Variants in ERBB4 observed in about 807,000 individuals in gnomAD.
The protein encoded by ERBB4 is erb-b2 receptor tyrosine kinase 4.
In ERBB4, 42 loss-of-function variants were observed where a neutral mutation model predicts 158.0. That is an observed-to-expected ratio of 0.27 (90% confidence interval 0.21 to 0.34). The LOEUF is 0.34. Ranked by LOEUF, ERBB4 falls within the 10% of genes least tolerant of loss-of-function variation. The pLI is 1.00. For synonymous variants in ERBB4, 583 were observed against 558.7 expected, an observed-to-expected ratio of 1.04 and a Z score of -0.61; for missense variants, 1,333 against 1,624.1, an observed-to-expected ratio of 0.82 and a Z score of 3.08.
At chr2:212,235,247 G>T (rs534731064) in intron 1 of ERBB4, among the ~76,000 whole-genome samples, 1 of 152,224 alleles carries the variant, frequency 6.6e-6, no homozygotes, top group African/African-American at 2.4e-5. Context: ...TTTCCCCATT[G>T]CTTGCTTTTA....
chr2:211,553,865 T>C (rs908578595), intron 20 of ERBB4, among the ~76,000 whole-genome samples: 18 of 152,196 alleles, frequency 1.2e-4, no homozygotes, highest in Non-Finnish European at 2.4e-4. Flanking sequence ...CTATGACCCA[T>C]AGTAGCTCCC....
At chr2:212,326,066 T>C (rs918573513) in intron 1 of ERBB4, among the ~76,000 whole-genome samples, 3 of 150,508 alleles carry the variant, frequency 2.0e-5, no homozygotes, top group African/African-American at 7.3e-5. Context: ...CTGTATTTTA[T>C]CCACCATAGT....
At chr2:211,793,512 C>A (rs920222118) in intron 3 of ERBB4, among the ~76,000 whole-genome samples, 1 of 152,008 alleles carries the variant, frequency 6.6e-6, no homozygotes, top group East Asian at 1.9e-4. Flanking sequence ...GAATCAAAAT[C>A]CAAGGCAGCA....
At chr2:211,485,094 GAA>G (rs937092076) in intron 20 of ERBB4, among the ~76,000 whole-genome samples, 1 of 152,144 alleles carries the variant, frequency 6.6e-6, no homozygotes, top group Admixed American at 6.6e-5. Flanking sequence ...TACACAAAGA[GAA>G]AAAGATATAA....
intron 2 of ERBB4, among the ~76,000 whole-genome samples, chr2:211,978,401 TCTATCTATCTA>T (rs2081689543): frequency 1.4e-5 from 2 of 146,240 alleles, no homozygotes; most frequent in Admixed American, 1.4e-4. Flanking sequence ...TGTCTGTCTA[TCTATCTATCTA>T]TCTATCTATC....
chr2:211,999,337 C>T (rs1005762284), intron 2 of ERBB4, among the ~76,000 whole-genome samples: 2 of 151,704 alleles, frequency 1.3e-5, no homozygotes, highest in African/African-American at 4.8e-5. Flanking sequence ...CTCATATTTG[C>T]ATTTTTAGAA....
intron 20 of ERBB4, among the ~76,000 whole-genome samples, chr2:211,459,391 G>T (rs1392913612): frequency 6.6e-6 from 1 of 152,108 alleles, no homozygotes; most frequent in African/African-American, 2.4e-5. Flanking sequence ...CTCAGAAAAT[G>T]GATCAAAACC....
chr2:212,427,868 G>C (rs2091947931), intron 1 of ERBB4, among the ~76,000 whole-genome samples: 2 of 152,080 alleles, frequency 1.3e-5, no homozygotes, highest in African/African-American at 4.8e-5. Context: ...TGGGAACAAA[G>C]GCAAGACACA....
At chr2:211,502,774 C>T (rs1365765950) in intron 20 of ERBB4, among the ~76,000 whole-genome samples, 1 of 151,974 alleles carries the variant, frequency 6.6e-6, no homozygotes, top group Non-Finnish European at 1.5e-5. Flanking sequence ...TTTATAAATG[C>T]CTTGTGTAAA....
chr2:212,228,368 C>G (rs1182490105), intron 1 of ERBB4, among the ~76,000 whole-genome samples: 1 of 152,170 alleles, frequency 6.6e-6, no homozygotes, highest in East Asian at 1.9e-4. Context: ...CCTCAGAGAA[C>G]TCACCCTGTA....
chr2:212,376,947 G>C (rs2090343022), intron 1 of ERBB4, among the ~76,000 whole-genome samples: 1 of 151,804 alleles, frequency 6.6e-6, no homozygotes, highest in South Asian at 2.1e-4. Context: ...TTATTTCATT[G>C]TCTTTATTTC....
chr2:211,756,663 T>A (rs2075293479), intron 4 of ERBB4, among the ~76,000 whole-genome samples: 1 of 152,224 alleles, frequency 6.6e-6, no homozygotes, highest in Admixed American at 6.5e-5. Context: ...TGCAAGATGC[T>A]GATTTTATAG....
intron 1 of ERBB4, among the ~76,000 whole-genome samples, chr2:212,469,245 A>G (rs1327571238): frequency 1.3e-5 from 2 of 152,226 alleles, no homozygotes; most frequent in Non-Finnish European, 2.9e-5. Flanking sequence ...AACATAAAAT[A>G]ATCTTTTAAA....
chr2:211,880,201 T>C (rs1274137832), intron 3 of ERBB4, among the ~76,000 whole-genome samples: 1 of 152,154 alleles, frequency 6.6e-6, no homozygotes, highest in Non-Finnish European at 1.5e-5. Context: ...CAATTCTACC[T>C]ATCAAACATT....
intron 3 of ERBB4, among the ~76,000 whole-genome samples, chr2:211,843,176 G>A (rs919611223): frequency 2.6e-5 from 4 of 152,062 alleles, no homozygotes; most frequent in African/African-American, 9.7e-5. Flanking sequence ...TTGAATATAT[G>A]TTTTTAATGA....
At chr2:212,081,643 T>C (rs973451734) in intron 2 of ERBB4, among the ~76,000 whole-genome samples, 4 of 152,164 alleles carry the variant, frequency 2.6e-5, no homozygotes, top group Non-Finnish European at 5.9e-5. Context: ...AAAAGCCACA[T>C]TTCTTAAGCT....
intron 3 of ERBB4, among the ~76,000 whole-genome samples, chr2:211,906,751 G>C (rs1449872568): frequency 6.6e-6 from 1 of 151,246 alleles, no homozygotes; most frequent in Non-Finnish European, 1.5e-5. Flanking sequence ...TCCCCTCTTT[G>C]TGTCCATGTG....
intron 1 of ERBB4, among the ~76,000 whole-genome samples, chr2:212,503,193 T>A (rs1416439173): frequency 6.6e-6 from 1 of 152,252 alleles, no homozygotes; most frequent in Non-Finnish European, 1.5e-5. Context: ...TGGGTTAAGC[T>A]ACTGTAACAC....
At chr2:211,851,115 T>C (rs2077711268) in intron 3 of ERBB4, among the ~76,000 whole-genome samples, 1 of 151,892 alleles carries the variant, frequency 6.6e-6, no homozygotes, top group Non-Finnish European at 1.5e-5. Context: ...ACAGATAAAG[T>C]AGTATACAAC....
Sources: gnomAD v4.1 joint callset for allele counts (sites outside exome capture counted in the v4.1 genomes callset) on GRCh38, gnomAD v4.1.1 for gene constraint, MANE v1.5 for transcripts, NCBI Gene and HGNC (gene_info 2026-07-23, HGNC 2026-07-21) for gene names.